Variants in CXADR observed in about 807,000 individuals in gnomAD.
CXADR encodes coxsackievirus and adenovirus receptor.
A neutral mutation model predicts 40.3 loss-of-function variants in CXADR; 20 were observed. The ratio of observed to expected loss-of-function variants is 0.50; its 90% CI spans 0.35 to 0.72. The LOEUF is 0.72. Among genes scored for constraint, CXADR ranks in the 30% least tolerant of loss-of-function variants. The probability of loss-of-function intolerance (pLI) is 0.01; values close to 1 mark genes in which losing one functional copy is unlikely to be tolerated. For synonymous variants in CXADR, 150 were observed against 161.3 expected (o/e 0.93, Z 0.53); for missense variants, 332 against 449.1 (o/e 0.74, Z 2.36).
chr21:17,551,690 A>G, intron 2 of CXADR, 59 bp from the exon 3 acceptor site: 1 of 1,490,392 alleles, frequency 6.7e-7, no homozygotes, highest in Non-Finnish European at 9.1e-7. Context: ...CTCCTTTAAG[A>G]GACAGTTTTT....
At chr21:17,571,794 T>A (rs1784916), downstream of CXADR, among the ~76,000 whole-genome samples, 127,635 of 152,152 alleles carry the variant, frequency 0.84, 55,489 homozygotes, top group Non-Finnish European at 0.96. Flanking sequence ...TTTCCAAATT[T>A]GGGATACTTC....
intron 1 of CXADR, chr21:17,527,177 GAGA>G (rs1323247929): frequency 2.6e-5 from 4 of 152,192 alleles, no homozygotes; most frequent in African/African-American, 9.6e-5. Context: ...AAGGGGGGAA[GAGA>G]AGAACAAAGA....
rs183075884 is a variant in CXADR at position 17,580,655 on chromosome 21, T to A, written c.1018-12497T>A. On this transcript the variant is annotated intron_variant, in intron 7 of 7. Transcript: ENST00000400169. ...AAAGATTAAAGTCTAAACCATAGGTTTAGTGGCTTCAGACTTTTACATCTG... is the reference window on the plus strand; with the variant it reads ...AAAGATTAAAGTCTAAACCATAGGTATAGTGGCTTCAGACTTTTACATCTG... Among the ~76,000 whole-genome samples, 7 of 152,270 alleles carry A rather than the reference T, an allele frequency of 4.6e-5. No individual in the cohort carries two copies. The East Asian group carries it at 1.4e-3, about 29-fold the overall frequency.
At chr21:17,531,775 ATC>A (rs2060679350) in intron 1 of CXADR, among the ~76,000 whole-genome samples, 1 of 149,790 alleles carries the variant, frequency 6.7e-6, no homozygotes, top group African/African-American at 2.5e-5. Context: ...CTTTCCTTCA[ATC>A]TCTTTTTGGT....
intron 1 of CXADR, among the ~76,000 whole-genome samples, chr21:17,522,821 T>G (rs568601411): frequency 6.6e-6 from 1 of 152,190 alleles, no homozygotes; most frequent in Non-Finnish European, 1.5e-5. Flanking sequence ...CTAGTCTCCC[T>G]TCTCCAACTT....
intron 1 of CXADR, among the ~76,000 whole-genome samples, chr21:17,528,068 CTTTTTTTTTTTTTTTT>C (rs35477813): frequency 2.3e-4 from 18 of 78,352 alleles, no homozygotes; most frequent in Non-Finnish European, 3.2e-4. Flanking sequence ...TTAGTTCTTT[CTTTTTTTTTTTTTTTT>C]TTTTTTTGAG....
the CXADR span, among the ~76,000 whole-genome samples, chr21:17,608,201 AC>A: frequency 2.6e-5 from 4 of 152,264 alleles, no homozygotes; most frequent in East Asian, 7.7e-4. Flanking sequence ...TCCCATCTAT[AC>A]AAAAAAAAAT....
the CXADR span, among the ~76,000 whole-genome samples, chr21:17,599,854 T>A: frequency 3.3e-5 from 5 of 152,198 alleles, no homozygotes; most frequent in African/African-American, 1.2e-4. Flanking sequence ...CCTATAAAAT[T>A]GACTTTAACC....
chr21:17,554,939 G>A (rs1019456415), intron 3 of CXADR, among the ~76,000 whole-genome samples: 4 of 152,154 alleles, frequency 2.6e-5, no homozygotes, highest in African/African-American at 7.2e-5. Flanking sequence ...TTATGTGGCC[G>A]TTAACCCACA....
At position 17,570,021 on chromosome 21, in the gene CXADR, A is replaced by G. The variant is rs975534730; in HGVS notation, c.*4329A>G. ...AATGGTGCAGATTTTGAAATTTGTA[A>G]GAACAAAATTTGTTAAGAAAAACAA... On this transcript the variant is annotated 3_prime_UTR_variant, in exon 7 of 7. Coordinates refer to ENST00000284878, the MANE Select transcript of CXADR (RefSeq NM_001338.5). 3.0e-6 allele frequency: 3 copies of G among 985,298 alleles called. No homozygotes were observed. The highest frequency in any genetic ancestry group is 1.2e-4 in the Admixed American group (2 of 16,252). The allele number at this position is 985,298 out of a possible 1,614,324, so 61.0% of individuals were successfully genotyped here. A position where few individuals can be genotyped will look rare whatever the true frequency, so the allele number is the denominator to read the frequency against.
At chr21:17,550,109 C>G (rs113952861) in intron 2 of CXADR, among the ~76,000 whole-genome samples, 2,061 of 152,240 alleles carry the variant, frequency 0.014, 43 homozygotes, top group African/African-American at 0.045. Context: ...GTAGTCCCAG[C>G]ACTTTGGGAG....
At chr21:17,588,143 A>G (rs982648455) in intron 7 of CXADR, among the ~76,000 whole-genome samples, 3 of 152,126 alleles carry the variant, frequency 2.0e-5, no homozygotes, top group Non-Finnish European at 4.4e-5. Flanking sequence ...GTAGGCTTGT[A>G]GTGTAGTTTG....
chr21:17,550,387 TG>T (rs2060951844), intron 2 of CXADR, among the ~76,000 whole-genome samples: 1 of 137,692 alleles, frequency 7.3e-6, no homozygotes, highest in Non-Finnish European at 1.6e-5. Context: ...TGGGTTGGGG[TG>T]GGGTCAGTGT....
intron 7 of CXADR, among the ~76,000 whole-genome samples, chr21:17,582,460 C>T (rs2061368223): frequency 5.4e-3 from 1 of 184 alleles, no homozygotes; most frequent in African/African-American, 0.023. Flanking sequence ...ATTTCCAAAC[C>T]ATTCTGGTTC....
downstream of CXADR, among the ~76,000 whole-genome samples, chr21:17,598,294 C>T (rs1464381229): frequency 1.3e-5 from 2 of 152,086 alleles, no homozygotes; most frequent in Non-Finnish European, 2.9e-5. Context: ...CAAAGTGTTA[C>T]ATACTACAAA....
downstream of CXADR, among the ~76,000 whole-genome samples, chr21:17,597,894 G>C (rs748899041): frequency 3.2e-4 from 48 of 152,140 alleles, no homozygotes; most frequent in Non-Finnish European, 6.0e-4. Flanking sequence ...CACAAACCTG[G>C]TATGTTTCAC....
the CXADR span, among the ~76,000 whole-genome samples, chr21:17,614,692 A>G: frequency 7.2e-5 from 11 of 152,290 alleles, no homozygotes; most frequent in African/African-American, 2.6e-4. Context: ...GCAGTGAGCT[A>G]TGATAACATC....
chr21:17,524,871 C>T (rs962203061), intron 1 of CXADR, among the ~76,000 whole-genome samples: 15 of 149,880 alleles, frequency 1.0e-4, no homozygotes, highest in African/African-American at 3.4e-4. Context: ...ATTGCACCAC[C>T]GCACTCCAGC....
chr21:17,610,379 G>A, the CXADR span, among the ~76,000 whole-genome samples: 2 of 152,148 alleles, frequency 1.3e-5, no homozygotes, highest in East Asian at 1.9e-4. Context: ...TTGACTTTCC[G>A]AAAGTACTCT....
Sources: allele counts gnomAD v4.1 joint callset (sites outside exome capture counted in the v4.1 genomes callset), GRCh38; gene constraint gnomAD v4.1.1; transcripts MANE v1.5; gene names NCBI Gene and HGNC (gene_info 2026-07-23, HGNC 2026-07-21).